MAML2: variants seen among roughly 807,000 people sequenced by gnomAD.
MAML2 encodes the protein mastermind like transcriptional coactivator 2.
In MAML2, 22 loss-of-function variants were observed where a neutral mutation model predicts 96.1. The ratio of observed to expected loss-of-function variants is 0.23; its 90% CI spans 0.16 to 0.33. The LOEUF (loss-of-function observed/expected upper bound fraction) is 0.33. Ranked by LOEUF, MAML2 falls within the 10% of genes least tolerant of loss-of-function variation. The pLI is 1.00. For synonymous variants in MAML2, 561 were observed against 521.3 expected, an observed-to-expected ratio of 1.08 and a Z score of -1.04; for missense variants, 1,367 against 1,392.4, an observed-to-expected ratio of 0.98 and a Z score of 0.29.
At chr11:96,191,737 A>C (rs1199265677) in intron 1 of MAML2, among the ~76,000 whole-genome samples, 1 of 144,834 alleles carries the variant, frequency 6.9e-6, no homozygotes, top group African/African-American at 2.6e-5. Context: ...ACACCACTAC[A>C]CTCCAGCCTG....
rs557536245 is a variant in MAML2 at position 96,133,609 on chromosome 11, T to A, written c.514-40092A>T. Among the ~76,000 whole-genome samples the A allele has an allele frequency of 4.6e-5, 7 of 152,336 alleles. No homozygotes were observed. In the East Asian group the frequency reaches 1.3e-3, roughly 29 times the overall value. On this transcript the variant is annotated intron_variant, in intron 1 of 4. Transcript: ENST00000524717. ...AATATGGAATATTAATTGAAATATA[T>A]TTTATGTTTTTAAGAAACATATTTG... is the stretch of plus-strand genomic sequence containing the variant.
intron 2 of MAML2, among the ~76,000 whole-genome samples, chr11:96,025,362 C>T (rs1858499634): frequency 6.6e-6 from 1 of 151,972 alleles, no homozygotes; most frequent in Admixed American, 6.6e-5. Flanking sequence ...TACACATGGA[C>T]ATAAAGATGG....
In MAML2 at chr11:96,341,737, G is replaced by T; in HGVS notation, c.159C>A (p.Ser53Arg). Residue 53 changes from serine (S) to arginine (R), a missense_variant, in exon 1 of 5, where the codon AGC (serine) becomes AGA (arginine). By Grantham distance (110) the Ser-to-Arg change is moderately radical (BLOSUM62 -1). Coordinates refer to ENST00000524717, the MANE Select transcript of MAML2 (RefSeq NM_032427.4). ...RIAVCRQHHL[S>R]CEGRYERGRA... ...TACCTCGTTCATATCGTCCTTCACAGCTCAGGTGGTGTTGGCGGCAGACAG... is the reference window on the plus strand; with the variant it reads ...TACCTCGTTCATATCGTCCTTCACATCTCAGGTGGTGTTGGCGGCAGACAG... 6.2e-7 allele frequency: 1 copy of T among 1,613,092 alleles called. No individual in the cohort carries two copies. The highest frequency in any genetic ancestry group is 8.5e-7 in the Non-Finnish European group (1 of 1,179,614).
At chr11:96,016,139 G>A (rs755750133) in intron 2 of MAML2, among the ~76,000 whole-genome samples, 4 of 151,918 alleles carry the variant, frequency 2.6e-5, no homozygotes, top group African/African-American at 4.8e-5. Context: ...CAAGAAATCC[G>A]ATTGGGTCTC....
chr11:96,029,800 C>T (rs1378106832), intron 2 of MAML2, among the ~76,000 whole-genome samples: 3 of 152,112 alleles, frequency 2.0e-5, no homozygotes, highest in Non-Finnish European at 4.4e-5. Context: ...TTCAGGTGCT[C>T]AAAGATAGGC....
At chr11:96,333,142 A>G (rs1034575510) in intron 1 of MAML2, among the ~76,000 whole-genome samples, 1 of 152,208 alleles carries the variant, frequency 6.6e-6, no homozygotes, top group Non-Finnish European at 1.5e-5. Flanking sequence ...AAGAATTACA[A>G]ATATAACTCA....
intron 1 of MAML2, among the ~76,000 whole-genome samples, chr11:96,188,992 C>T (rs571471757): frequency 1.3e-5 from 2 of 151,978 alleles, no homozygotes; most frequent in South Asian, 4.2e-4. Context: ...ACTCTTTTAA[C>T]TGAACAAATA....
intron 2 of MAML2, among the ~76,000 whole-genome samples, chr11:95,992,346 C>G (rs73519281): frequency 0.013 from 1,938 of 152,128 alleles, 35 homozygotes; most frequent in African/African-American, 0.045. Context: ...AAAGAATACC[C>G]GACACACTGA....
chr11:96,179,523 C>G (rs751316323), intron 1 of MAML2, among the ~76,000 whole-genome samples: 1 of 152,110 alleles, frequency 6.6e-6, no homozygotes, highest in Non-Finnish European at 1.5e-5. Context: ...ATCAGATGGC[C>G]GAGACTTAAG....
At chr11:96,077,843 T>C (rs552767879) in intron 2 of MAML2, among the ~76,000 whole-genome samples, 23 of 152,308 alleles carry the variant, frequency 1.5e-4, no homozygotes, top group African/African-American at 5.5e-4. Context: ...TCAAAACTAT[T>C]ATATCTTGAT....
chr11:96,112,044 C>T (rs1860133109), intron 1 of MAML2, among the ~76,000 whole-genome samples: 1 of 152,068 alleles, frequency 6.6e-6, no homozygotes, highest in African/African-American at 2.4e-5. Context: ...CAAGCAGATC[C>T]TTGTGCCACG....
chr11:96,215,406 C>T (rs1327875857), intron 1 of MAML2, among the ~76,000 whole-genome samples: 1 of 152,192 alleles, frequency 6.6e-6, no homozygotes, highest in Non-Finnish European at 1.5e-5. Context: ...CTCTCTTCCA[C>T]TTCCTGTTAT....
chr11:96,159,765 C>T (rs1202165674), intron 1 of MAML2, among the ~76,000 whole-genome samples: 1 of 152,286 alleles, frequency 6.6e-6, no homozygotes, highest in East Asian at 1.9e-4. Context: ...TCTGAATCAC[C>T]TGTAGGGCTA....
intron 1 of MAML2, among the ~76,000 whole-genome samples, chr11:96,182,066 T>A (rs550755073): frequency 1.3e-5 from 2 of 152,178 alleles, no homozygotes; most frequent in African/African-American, 4.8e-5. Flanking sequence ...GGATTGTAAA[T>A]TCAAAGACCT....
chr11:96,065,336 TA>T (rs1021263749), intron 2 of MAML2, among the ~76,000 whole-genome samples: 3 of 152,080 alleles, frequency 2.0e-5, no homozygotes, highest in Non-Finnish European at 2.9e-5. Flanking sequence ...TATGTGATTT[TA>T]AAAAAATATC....
In MAML2 at chr11:96,341,535, T is replaced by TTGCTGCTGC. The variant is rs1164285666; in HGVS notation, c.352_360dup (p.Ala118_Ala120dup). 6.4e-7 allele frequency: 1 copy of TTGCTGCTGC among 1,551,386 alleles called. No homozygotes were observed. The highest frequency in any genetic ancestry group is 1.2e-5 in the South Asian group (1 of 84,046). ...TCTGGTGGGGGCGGTGGGGCTGCTG[T>TTGCTGCTGC]TGCTGCTGCTTGGGAGGCCGCAGGA... is the stretch of plus-strand genomic sequence containing the variant. On this transcript the variant is annotated inframe_insertion, in exon 1 of 5. Coordinates refer to ENST00000524717, the MANE Select transcript of MAML2 (RefSeq NM_032427.4).
chr11:96,319,670 T>C (rs1014701939), intron 1 of MAML2, among the ~76,000 whole-genome samples: 3 of 152,154 alleles, frequency 2.0e-5, no homozygotes, highest in African/African-American at 7.2e-5. Context: ...GGCCCAGATG[T>C]GATGTTATGG....
chr11:96,279,416 G>A (rs1863034441), intron 1 of MAML2, among the ~76,000 whole-genome samples: 1 of 152,180 alleles, frequency 6.6e-6, no homozygotes, highest in South Asian at 2.1e-4. Context: ...CTGTCCTTAT[G>A]ATGACCTTTT....
chr11:96,138,128 T>C (rs1209198604), intron 1 of MAML2, among the ~76,000 whole-genome samples: 1 of 152,230 alleles, frequency 6.6e-6, no homozygotes, highest in East Asian at 1.9e-4. Flanking sequence ...GTTTTTTGTA[T>C]ACCTCAAGAT....
Sources: allele counts gnomAD v4.1 joint callset (sites outside exome capture counted in the v4.1 genomes callset), GRCh38; gene constraint gnomAD v4.1.1; transcripts MANE v1.5; gene names NCBI Gene and HGNC (gene_info 2026-07-23, HGNC 2026-07-21).